POLDIP3: variants seen among roughly 807,000 people sequenced by gnomAD.
POLDIP3 encodes DNA polymerase delta interacting protein 3, also known as polymerase delta-interacting protein 3.
A neutral mutation model predicts 45.1 loss-of-function variants in POLDIP3; 14 were observed. That is an observed-to-expected ratio of 0.31 (90% CI 0.20 to 0.49). The LOEUF (loss-of-function observed/expected upper bound fraction) is 0.49. POLDIP3 is among the 20% of genes least tolerant of loss of function. POLDIP3 has a pLI of 0.99. For missense variants in POLDIP3, 511 were observed against 538.8 expected, an observed-to-expected ratio of 0.95 and a Z score of 0.51; for synonymous variants, 223 against 205.2, an observed-to-expected ratio of 1.09 and a Z score of -0.74.
In POLDIP3 at chr22:42,585,680, C is replaced by A; in HGVS notation, c.*111G>T. 4 of 1,327,620 alleles carry A rather than the reference C, an allele frequency of 3.0e-6. No homozygotes were observed. Among genetic ancestry groups the A allele is most frequent in the Non-Finnish European group, 4.2e-6 (4 of 962,654 alleles). 82.2% of individuals were successfully genotyped at this position (1,327,620 alleles called of 1,614,324 possible). ...AGGAAGCTCTTTATCCCTGGCAACC[C>A]TTCCCACAATCAGGGGTCTCCAGTC... On this transcript the variant is annotated 3_prime_UTR_variant, in exon 9 of 9. Transcript: ENST00000252115.
At chr22:42,595,286 G>A (rs533526182) in intron 6 of POLDIP3, among the ~76,000 whole-genome samples, 6 of 152,330 alleles carry the variant, frequency 3.9e-5, no homozygotes, top group African/African-American at 1.2e-4. Context: ...AACTTGCTGC[G>A]AGTTGCACCC....
intron 5 of POLDIP3, 94 bp from the exon 6 acceptor site, chr22:42,595,708 G>C (rs971571843): frequency 2.6e-6 from 3 of 1,141,958 alleles, no homozygotes; most frequent in East Asian, 2.4e-5. Context: ...GGAAGGCCCA[G>C]AGGAAAGCTC....
intron 4 of POLDIP3, among the ~76,000 whole-genome samples, chr22:42,598,736 A>G (rs1230890105): frequency 2.6e-5 from 4 of 152,216 alleles, no homozygotes; most frequent in African/African-American, 9.6e-5. Context: ...TCAGGACAGT[A>G]ACCAAAACTG....
intron 3 of POLDIP3, among the ~76,000 whole-genome samples, chr22:42,600,289 G>A (rs1264129487): frequency 6.6e-6 from 1 of 152,156 alleles, no homozygotes; most frequent in Admixed American, 6.5e-5. Flanking sequence ...ACAGAGAAAT[G>A]CTTGAGTTAC....
intron 7 of POLDIP3, among the ~76,000 whole-genome samples, chr22:42,589,276 C>G (rs1255223304): frequency 1.3e-5 from 2 of 149,442 alleles, no homozygotes; most frequent in Non-Finnish European, 3.0e-5. Context: ...AAAGATATAT[C>G]ACTCAAATAG....
rs367783259 is a variant in POLDIP3 at position 42,614,871 on chromosome 22, G to C, written c.-14C>G. 31 of 1,613,330 alleles carry C rather than the reference G, an allele frequency of 1.9e-5. No individual in the cohort carries two copies. Among genetic ancestry groups the C allele is most frequent in the South Asian group, 1.3e-4 (12 of 91,078 alleles). On this transcript the variant is annotated 5_prime_UTR_variant, in exon 1 of 9. Transcript: ENST00000252115. ...GATGTCCGCCATCTTGCTCCGCCGAGCAAGCCGAAAGCAGTCGAGACCCCG... is the reference window on the plus strand; with the variant it reads ...GATGTCCGCCATCTTGCTCCGCCGACCAAGCCGAAAGCAGTCGAGACCCCG...
chr22:42,607,120 T>TCCCTCC (rs1356925771), intron 1 of POLDIP3, among the ~76,000 whole-genome samples: 2 of 151,626 alleles, frequency 1.3e-5, no homozygotes, highest in Admixed American at 6.6e-5. Flanking sequence ...CAAAAAAAAT[T>TCCCTCC]CCCTCCCCCT....
Position 42,587,628 on chromosome 22 carries a change from A to G in POLDIP3, c.1022-56T>C, listed in dbSNP as rs1925395071. 47 of 1,500,796 alleles carry G rather than the reference A, an allele frequency of 3.1e-5. 1 individual carries two copies. In the South Asian group the frequency reaches 4.7e-4, roughly 15 times the overall value. The allele number at this position is 1,500,796 out of a possible 1,614,324, so 93.0% of individuals were successfully genotyped here. On this transcript the variant is annotated intron_variant, in intron 7 of 8. Transcript: ENST00000252115. ...CTATGAGACCTCGGCTCCTCACACA[A>G]GAGGACAAGGGCTGTACCTCCATTA...
chr22:42,613,248 T>C (rs1927237845), intron 1 of POLDIP3, among the ~76,000 whole-genome samples: 1 of 152,158 alleles, frequency 6.6e-6, no homozygotes, highest in South Asian at 2.1e-4. Flanking sequence ...AGTCACTAGA[T>C]GGAGATCTGA....
In POLDIP3 at chr22:42,607,259, G is replaced by A. The variant is rs548823140; in HGVS notation, c.60-4099C>T. ...GCCGAGTGCCTGGGATTGCAGGCGC[G>A]CACCGCCATGCCTGACTGGTTTTTG... On this transcript the variant is annotated intron_variant, in intron 1 of 8. Transcript: ENST00000252115. Among the ~76,000 whole-genome samples the A allele has an allele frequency of 2.0e-4, 30 of 152,352 alleles. No homozygotes were observed. In the East Asian group the frequency reaches 2.7e-3, roughly 14 times the overall value.
At chr22:42,602,714 T>C (rs937002922) in intron 2 of POLDIP3, 56 bp downstream of exon 2, 21 of 1,534,712 alleles carry the variant, frequency 1.4e-5, no homozygotes, top group Non-Finnish European at 1.7e-5. Context: ...ACCTTGCCTC[T>C]AAATCTACCT....
intron 6 of POLDIP3, among the ~76,000 whole-genome samples, chr22:42,594,560 T>G (rs1468608130): frequency 6.6e-6 from 1 of 152,178 alleles, no homozygotes; most frequent in Non-Finnish European, 1.5e-5. Context: ...TAGTGACCAG[T>G]GCAGTCTGTT....
At chr22:42,600,120 A>G (rs1926257607) in intron 3 of POLDIP3, among the ~76,000 whole-genome samples, 1 of 152,216 alleles carries the variant, frequency 6.6e-6, no homozygotes, top group Non-Finnish European at 1.5e-5. Context: ...GACCTACAGA[A>G]ATAAATCCAA....
intron 1 of POLDIP3, among the ~76,000 whole-genome samples, chr22:42,605,253 A>G (rs1286367127): frequency 1.3e-5 from 2 of 152,170 alleles, no homozygotes; most frequent in African/African-American, 4.8e-5. Context: ...CCAGCCTCCC[A>G]AGTAGCTGGG....
At chr22:42,602,179 A>C in intron 2 of POLDIP3, 123 bp from the exon 3 acceptor site, 4 of 1,447,808 alleles carry the variant, frequency 2.8e-6, no homozygotes, top group Non-Finnish European at 3.8e-6. Context: ...AAGGCACTAC[A>C]GAGGGCCTTA....
chr22:42,594,590 G>C (rs1225908145), intron 6 of POLDIP3, among the ~76,000 whole-genome samples: 2 of 152,236 alleles, frequency 1.3e-5, no homozygotes, highest in African/African-American at 4.8e-5. Flanking sequence ...CTTAACTGCA[G>C]GGAGAGGCTG....
chr22:42,608,418 G>A (rs1318699649), intron 1 of POLDIP3, among the ~76,000 whole-genome samples: 1 of 151,388 alleles, frequency 6.6e-6, no homozygotes, highest in Non-Finnish European at 1.5e-5. Flanking sequence ...ACAAGACCCT[G>A]TCTCAAAAAT....
At chr22:42,602,728 T>A (rs1158849972) in intron 2 of POLDIP3, 42 bp downstream of exon 2, 10 of 1,551,212 alleles carry the variant, frequency 6.4e-6, no homozygotes, top group Non-Finnish European at 7.8e-6. Context: ...TCTACCTTTG[T>A]TACTAGCTTT....
At chr22:42,595,745 C>A in intron 5 of POLDIP3, 131 bp from the exon 6 acceptor site, 1 of 774,104 alleles carries the variant, frequency 1.3e-6, no homozygotes, top group East Asian at 2.6e-5. Flanking sequence ...AAATGGGCCC[C>A]CTGAACTTCA....
Sources: gnomAD v4.1 joint callset for allele counts (sites outside exome capture counted in the v4.1 genomes callset) on GRCh38, gnomAD v4.1.1 for gene constraint, MANE v1.5 for transcripts, NCBI Gene and HGNC (gene_info 2026-07-23, HGNC 2026-07-21) for gene names.